Variants in RTL4 observed in about 807,000 individuals in gnomAD.
The protein encoded by RTL4 is retrotransposon Gag like 4.
Under a neutral mutation model 5.3 loss-of-function variants are expected in RTL4, and 4 were observed. That is an observed-to-expected ratio of 0.75 (90% confidence interval 0.37 to 1.72). The LOEUF is 1.72. Ranked by LOEUF, RTL4 falls within the 40% of genes most tolerant of loss-of-function variation. The probability of loss-of-function intolerance (pLI) is 0.04; values close to 1 mark genes in which losing one functional copy is unlikely to be tolerated. For missense variants in RTL4, 260 were observed against 227.1 expected (o/e 1.14, Z -0.93); for synonymous variants, 98 against 87.3 (o/e 1.12, Z -0.68).
the RTL4 span, among the ~76,000 whole-genome samples, chrX:112,218,205 A>G: frequency 8.9e-6 from 1 of 112,152 alleles, no homozygotes; most frequent in African/African-American, 3.2e-5. Flanking sequence ...ACAAAAGTGA[A>G]CAGCAGACTG....
the RTL4 span, among the ~76,000 whole-genome samples, chrX:112,413,838 A>G: frequency 1.8e-5 from 2 of 110,693 alleles, no homozygotes; most frequent in African/African-American, 6.6e-5. Flanking sequence ...AAATAACTAA[A>G]AGAGTAGAAT....
At chrX:112,259,441 G>A in the RTL4 span, among the ~76,000 whole-genome samples, 16,458 of 109,887 alleles carry the variant, frequency 0.15, 920 homozygotes, top group Non-Finnish European at 0.18. Context: ...GATAATAATC[G>A]TTGCTAGCTC....
the RTL4 span, among the ~76,000 whole-genome samples, chrX:112,421,563 C>A: frequency 9.0e-6 from 1 of 111,490 alleles, no homozygotes; most frequent in Non-Finnish European, 1.9e-5. Flanking sequence ...ATTTACTACA[C>A]CAAGATACCT....
At chrX:112,130,095 A>G in the RTL4 span, among the ~76,000 whole-genome samples, 1 of 111,368 alleles carries the variant, frequency 9.0e-6, no homozygotes, top group South Asian at 3.8e-4. Context: ...CCACAATCCA[A>G]ACAAAAATGC....
chrX:112,358,355 C>T, the RTL4 span, among the ~76,000 whole-genome samples: 1 of 109,580 alleles, frequency 9.1e-6, no homozygotes, highest in Non-Finnish European at 1.9e-5. Flanking sequence ...GTGACAAAAT[C>T]ACTTTCAACC....
At chrX:112,296,641 A>C in the RTL4 span, among the ~76,000 whole-genome samples, 2 of 88,887 alleles carry the variant, frequency 2.3e-5, no homozygotes, top group East Asian at 3.4e-4. Context: ...ACAGAGTTTC[A>C]CTCTGTAGCC....
chrX:112,445,986 A>G, the RTL4 span, among the ~76,000 whole-genome samples: 1 of 111,629 alleles, frequency 9.0e-6, no homozygotes, highest in Non-Finnish European at 1.9e-5. Flanking sequence ...AATGTCAGAC[A>G]ATGAAAAGGA....
chrX:112,317,679 A>T, the RTL4 span, among the ~76,000 whole-genome samples: 1 of 111,946 alleles, frequency 8.9e-6, no homozygotes, highest in Non-Finnish European at 1.9e-5. Context: ...TGTGTCAGAC[A>T]TGGTGCTCAA....
chrX:112,152,283 A>T, the RTL4 span, among the ~76,000 whole-genome samples: 1 of 112,057 alleles, frequency 8.9e-6, no homozygotes, highest in Non-Finnish European at 1.9e-5. Flanking sequence ...CCATGAAATC[A>T]TTTCATTCTT....
At chrX:112,415,071 CTT>C in the RTL4 span, among the ~76,000 whole-genome samples, 1 of 111,324 alleles carries the variant, frequency 9.0e-6, no homozygotes, top group South Asian at 3.7e-4. Flanking sequence ...ATTTTTAAAA[CTT>C]TTTATTGAAA....
the RTL4 span, among the ~76,000 whole-genome samples, chrX:112,252,415 GA>G: frequency 8.9e-6 from 1 of 111,973 alleles, no homozygotes; most frequent in Non-Finnish European, 1.9e-5. Context: ...TGTATTTGGA[GA>G]AAGAGAGTGA....
the RTL4 span, among the ~76,000 whole-genome samples, chrX:112,230,976 C>G: frequency 6.3e-5 from 7 of 111,391 alleles, no homozygotes; most frequent in African/African-American, 1.3e-4. Flanking sequence ...TGAAAAAATG[C>G]TCATCATCAC....
chrX:112,413,794 T>A, the RTL4 span, among the ~76,000 whole-genome samples: 1 of 110,125 alleles, frequency 9.1e-6, no homozygotes, highest in Non-Finnish European at 1.9e-5. Flanking sequence ...CACAACAGGG[T>A]GAGTATAATC....
At chrX:112,188,112 A>G in the RTL4 span, among the ~76,000 whole-genome samples, 1 of 111,649 alleles carries the variant, frequency 9.0e-6, no homozygotes, top group East Asian at 2.8e-4. Context: ...TAATCATTGT[A>G]GAATCAGTAT....
the RTL4 span, among the ~76,000 whole-genome samples, chrX:112,427,352 A>G: frequency 9.0e-6 from 1 of 111,305 alleles, no homozygotes; most frequent in African/African-American, 3.3e-5. Context: ...ACATGATCAT[A>G]TCAAGAGATG....
the RTL4 span, among the ~76,000 whole-genome samples, chrX:112,170,283 C>T: frequency 2.7e-5 from 3 of 111,713 alleles, no homozygotes; most frequent in African/African-American, 9.8e-5. Flanking sequence ...TAGTTTTTTT[C>T]TAAATCTGTG....
chrX:112,243,210 T>A, the RTL4 span, among the ~76,000 whole-genome samples: 1 of 111,762 alleles, frequency 8.9e-6, no homozygotes, highest in Non-Finnish European at 1.9e-5. Context: ...GCTGGCCTCA[T>A]AAAATGAGTT....
the RTL4 span, among the ~76,000 whole-genome samples, chrX:112,182,657 A>G: frequency 2.7e-5 from 3 of 112,133 alleles, no homozygotes; most frequent in African/African-American, 9.7e-5. Flanking sequence ...TTCAGGAAAT[A>G]TGGGACTATG....
At chrX:112,438,136 C>T in the RTL4 span, among the ~76,000 whole-genome samples, 1 of 111,302 alleles carries the variant, frequency 9.0e-6, no homozygotes, top group Non-Finnish European at 1.9e-5. Flanking sequence ...TCAGGAGTGG[C>T]TTAGCTGGGT....
Sources: allele counts gnomAD v4.1 joint callset (sites outside exome capture counted in the v4.1 genomes callset), GRCh38; gene constraint gnomAD v4.1.1; transcripts MANE v1.5; gene names NCBI Gene and HGNC (gene_info 2026-07-23, HGNC 2026-07-21).